Variants in CTNNA2 observed in about 807,000 individuals in gnomAD.
The protein encoded by CTNNA2 is catenin alpha 2.
Under a neutral mutation model 101.0 loss-of-function variants are expected in CTNNA2, and 42 were observed. The ratio of observed to expected loss-of-function variants is 0.42; its 90% CI spans 0.32 to 0.54. CTNNA2 has a LOEUF of 0.54. Ranked by LOEUF, CTNNA2 falls within the 20% of genes least tolerant of loss-of-function variation. CTNNA2 has a pLI of 0.14. For missense variants in CTNNA2, 871 were observed against 1,223.1 expected (o/e 0.71, Z 4.29); for synonymous variants, 450 against 456.4 (o/e 0.99, Z 0.18).
At chr2:79,446,374 T>G (rs1678833251) in intron 4 of CTNNA2, among the ~76,000 whole-genome samples, 1 of 152,076 alleles carries the variant, frequency 6.6e-6, no homozygotes, top group Non-Finnish European at 1.5e-5. Context: ...TTACCAGTAT[T>G]TAGAAAAAAA....
At chr2:79,255,775 G>A (rs888982471) in intron 2 of CTNNA2, among the ~76,000 whole-genome samples, 10 of 152,154 alleles carry the variant, frequency 6.6e-5, no homozygotes, top group Non-Finnish European at 1.0e-4. Context: ...CTTAAAATCA[G>A]ACATACATAA....
At chr2:79,229,471 C>G (rs115480198) in intron 2 of CTNNA2, among the ~76,000 whole-genome samples, 2,945 of 152,272 alleles carry the variant, frequency 0.019, 33 homozygotes, top group Middle Eastern at 0.034. Flanking sequence ...ATAAGAAGTG[C>G]CCTCCACCAT....
intron 7 of CTNNA2, chr2:80,162,975 G>C (rs909897285): frequency 1.1e-5 from 17 of 1,541,672 alleles, no homozygotes; most frequent in Admixed American, 1.7e-5. Context: ...ATCTTGCGAG[G>C]CATGACTACT....
At chr2:80,210,918 T>G (rs1350300324) in intron 7 of CTNNA2, among the ~76,000 whole-genome samples, 1 of 152,240 alleles carries the variant, frequency 6.6e-6, no homozygotes, top group Admixed American at 6.5e-5. Flanking sequence ...CTAACTGGTG[T>G]GATATGGTAT....
At chr2:80,162,507 C>A in intron 7 of CTNNA2, 2 of 1,602,690 alleles carry the variant, frequency 1.2e-6, no homozygotes, top group South Asian at 1.1e-5. Flanking sequence ...TTATCATAGT[C>A]ATGGCTCCAG....
intron 4 of CTNNA2, among the ~76,000 whole-genome samples, chr2:79,469,968 A>C (rs1210188759): frequency 6.6e-6 from 1 of 152,222 alleles, no homozygotes; most frequent in Non-Finnish European, 1.5e-5. Flanking sequence ...GAAAACTGGC[A>C]CAAGACAGGG....
intron 4 of CTNNA2, among the ~76,000 whole-genome samples, chr2:79,478,146 C>T (rs1416028291): frequency 6.6e-6 from 1 of 152,170 alleles, no homozygotes; most frequent in African/African-American, 2.4e-5. Context: ...CCCAATTCTT[C>T]CTCCCCCACT....
intron 7 of CTNNA2, among the ~76,000 whole-genome samples, chr2:79,965,168 C>T (rs1314334377): frequency 2.0e-5 from 3 of 152,114 alleles, no homozygotes; most frequent in African/African-American, 7.2e-5. Context: ...GACAAGCACT[C>T]CCTGTAACAC....
In CTNNA2 at chr2:79,760,030, C is replaced by T. The variant is rs79634666; in HGVS notation, c.298+15448C>T. Among the ~76,000 whole-genome samples, 266 of 152,258 alleles carry T rather than the reference C, an allele frequency of 1.7e-3. 3 individuals carry two copies. The East Asian group carries it at 0.039, about 23-fold the overall frequency. On this transcript the variant is annotated intron_variant, in intron 3 of 18. Transcript: ENST00000402739. ...GCATATTCGTTAAGAGTACAGTTTA[C>T]GGAACTAGACAGCCTACATTTGAAA...
intron 8 of CTNNA2, among the ~76,000 whole-genome samples, chr2:80,412,913 C>T (rs1443608528): frequency 3.9e-5 from 6 of 152,144 alleles, no homozygotes; most frequent in Non-Finnish European, 7.3e-5. Context: ...TTTCAAATGT[C>T]CACATGCATC....
intron 7 of CTNNA2, among the ~76,000 whole-genome samples, chr2:80,148,368 T>C (rs1160772299): frequency 1.3e-5 from 2 of 152,172 alleles, no homozygotes; most frequent in Non-Finnish European, 2.9e-5. Flanking sequence ...AAGTCAACAG[T>C]CAGGTGGGCA....
At position 79,552,709 on chromosome 2, in the gene CTNNA2, GCTTTTGGCTTGCACCCTATGAAGCAA is replaced by G. The variant is rs145563279; in HGVS notation, c.-6+39504_-6+39529del. Reference sequence around the variant, plus strand: ...TTAACATCTCATGGAAGCCACCAAAGCTTTTGGCTTGCACCCTATGAAGCAACAGCCTGAGCTGCTCCTTGGTCCCT... The same window carrying G: ...TTAACATCTCATGGAAGCCACCAAAGCAGCCTGAGCTGCTCCTTGGTCCCT... On this transcript the variant is annotated intron_variant, in intron 1 of 18. Transcript: ENST00000402739. Among the ~76,000 whole-genome samples, 2,518 of 152,274 alleles carry G rather than the reference GCTTTTGGCTTGCACCCTATGAAGCAA, an allele frequency of 0.017. 173 individuals carry two copies. In the East Asian group the frequency reaches 0.17, roughly 10 times the overall value.
At chr2:80,137,935 A>G (rs910164380) in intron 7 of CTNNA2, among the ~76,000 whole-genome samples, 1 of 152,096 alleles carries the variant, frequency 6.6e-6, no homozygotes, top group Non-Finnish European at 1.5e-5. Context: ...GCTTCATAAG[A>G]TGGAAGAATT....
chr2:80,470,762 G>T (rs1031562526), intron 9 of CTNNA2, among the ~76,000 whole-genome samples: 1 of 152,118 alleles, frequency 6.6e-6, no homozygotes, highest in Non-Finnish European at 1.5e-5. Flanking sequence ...GGAGTAAGAA[G>T]ACCAATTAAT....
intron 7 of CTNNA2, among the ~76,000 whole-genome samples, chr2:80,026,113 G>A (rs1405144542): frequency 1.3e-5 from 2 of 152,184 alleles, no homozygotes; most frequent in Non-Finnish European, 2.9e-5. Flanking sequence ...AGATGACATT[G>A]AGGAAAGACC....
At chr2:79,586,081 G>A (rs117844571) in intron 1 of CTNNA2, among the ~76,000 whole-genome samples, 1,597 of 152,198 alleles carry the variant, frequency 0.01, 4 homozygotes, top group Middle Eastern at 0.02. Context: ...ACCCATGGAG[G>A]GAAATGGAAC....
intron 4 of CTNNA2, among the ~76,000 whole-genome samples, chr2:79,477,151 T>C (rs1184348168): frequency 9.0e-6 from 1 of 111,340 alleles, no homozygotes; most frequent in Non-Finnish European, 2.0e-5. Flanking sequence ...TTTTTATTTC[T>C]TTTTTTTCTT....
chr2:80,516,722 C>T (rs751255685), intron 9 of CTNNA2, among the ~76,000 whole-genome samples: 3 of 152,174 alleles, frequency 2.0e-5, no homozygotes, highest in Non-Finnish European at 4.4e-5. Flanking sequence ...ATGTTTAGTT[C>T]TCTCTGTAGT....
At chr2:80,102,310 C>T (rs1700594906) in intron 7 of CTNNA2, among the ~76,000 whole-genome samples, 1 of 152,150 alleles carries the variant, frequency 6.6e-6, no homozygotes, top group African/African-American at 2.4e-5. Flanking sequence ...ATCCTTCCAC[C>T]TTGGCCTTGT....
Sources: allele counts gnomAD v4.1 joint callset (sites outside exome capture counted in the v4.1 genomes callset), GRCh38; gene constraint gnomAD v4.1.1; transcripts MANE v1.5; gene names NCBI Gene and HGNC (gene_info 2026-07-23, HGNC 2026-07-21).